CBX7: variants seen among roughly 807,000 people sequenced by gnomAD.
CBX7 encodes the protein chromobox 7, also known as chromobox protein homolog 7.
In CBX7, 14 loss-of-function variants were observed where a neutral mutation model predicts 31.4. The ratio of observed to expected loss-of-function variants is 0.45; its 90% confidence interval spans 0.29 to 0.70. The LOEUF (loss-of-function observed/expected upper bound fraction) is 0.70, where lower values mean the gene tolerates loss of function less well. Ranked by LOEUF, CBX7 falls within the 30% of genes least tolerant of loss-of-function variation. The pLI, the probability that CBX7 is intolerant of heterozygous loss-of-function variation, is 0.11. For synonymous variants in CBX7, 159 were observed against 152.6 expected (o/e 1.04, Z -0.31); for missense variants, 269 against 351.9 (o/e 0.76, Z 1.89).
intron 2 of CBX7, chr22:39,147,785 C>T (rs1454890956): frequency 6.6e-6 from 1 of 152,274 alleles, no homozygotes; most frequent in African/African-American, 2.4e-5. Flanking sequence ...GTTTCCCCAT[C>T]TGAAAAATCA....
chr22:39,151,722 G>T (rs911734985), intron 1 of CBX7, among the ~76,000 whole-genome samples: 1 of 152,170 alleles, frequency 6.6e-6, no homozygotes, highest in Non-Finnish European at 1.5e-5. Context: ...TCTGAAACCA[G>T]CAGAACAGAC....
Position 39,134,631 on chromosome 22 carries a change from G to A in CBX7, c.368C>T (p.Pro123Leu). The A allele has an allele frequency of 6.3e-7, 1 of 1,584,788 alleles. No individual in the cohort carries two copies. The highest frequency in any genetic ancestry group is 8.6e-7 in the Non-Finnish European group (1 of 1,165,206). The change falls in exon 5 of 6, where the codon CCT becomes CTT. Residue 123 changes from proline to leucine, a missense_variant. Around this residue, in one of 2 missense-constraint regions of CBX7, gnomAD observed 222 missense variants for 240.4 expected, o/e 0.92. Coordinates refer to ENST00000216133, the MANE Select transcript of CBX7 (RefSeq NM_175709.5). ...CAAGGGGCCCTTGTCCACCAGCTCA[G>A]GTGCCCCCGCCTTGACCACCCCCTC... The part of the protein sequence containing the change: ...SPEGVVKAGA[P>L]ELVDKGPLVP...
Position 39,133,963 on chromosome 22 carries a change from G to A in CBX7, c.684C>T (p.Asn228=), listed in dbSNP as rs1157504225. ...CCTCGCGGAAGGTGACGGTGATGGA[G>A]TTGGCGGTGATGTCGGTCACGGTCA... ...SEVTVTDITA[N]SITVTFREAQ... is the part of the protein sequence containing the mutation. Residue 228 remains asparagine, a synonymous_variant, in exon 6 of 6, where the codon AAC becomes AAT. Coordinates refer to ENST00000216133, the MANE Select transcript of CBX7 (RefSeq NM_175709.5). 4 of 1,613,900 alleles carry A rather than the reference G, an allele frequency of 2.5e-6. No homozygotes were observed. The Admixed American group carries it at 5.0e-5, about 20-fold the overall frequency.
intron 3 of CBX7, among the ~76,000 whole-genome samples, chr22:39,139,934 A>C (rs1930395358): frequency 6.6e-6 from 1 of 151,940 alleles, no homozygotes; most frequent in Non-Finnish European, 1.5e-5. Context: ...TGTCTCAAAA[A>C]ACAAAAAAAA....
intron 4 of CBX7, chr22:39,136,364 C>G (rs1930254610): frequency 6.6e-6 from 1 of 152,340 alleles, no homozygotes; most frequent in South Asian, 2.1e-4. Flanking sequence ...CATTCCCACA[C>G]CCAGTGCTGT....
Position 39,133,266 on chromosome 22 carries a change from C to T in CBX7, c.*625G>A, listed in dbSNP as rs1056664523. On this transcript the variant is annotated 3_prime_UTR_variant, in exon 6 of 6. Coordinates refer to ENST00000216133, the MANE Select transcript of CBX7 (RefSeq NM_175709.5). ...CCAGGTGTGCATGAGCGTTTCTGCA[C>T]AGGCCAGGTGATGAGGGGAGGGCAG... 3 of 152,092 alleles carry T rather than the reference C, an allele frequency of 2.0e-5. No individual in the cohort carries two copies. Among genetic ancestry groups the T allele is most frequent in the Non-Finnish European group, 4.4e-5 (3 of 68,090 alleles). 9.4% of individuals were successfully genotyped at this position (152,092 alleles called of 1,614,324 possible). A position where few individuals can be genotyped will look rare whatever the true frequency, so the allele number is the denominator to read the frequency against.
rs1352621186 is a variant in CBX7, at chr22:39,152,598, C to G, written c.-154G>C. ...GCGCACGCGCGCACACCCCCTCGCG[C>G]TCCCTCACGCCGCCGACGTTCCATT... On this transcript the variant is annotated 5_prime_UTR_variant, in exon 1 of 6. Transcript: ENST00000216133. This position sits in a 1 kb window ranked among gnomAD's most constrained non-coding sequence, Gnocchi z 4.9. The G allele has an allele frequency of 1.3e-5, 2 of 155,746 alleles. No homozygotes were observed. Among genetic ancestry groups the G allele is most frequent in the Admixed American group, 1.3e-4 (2 of 14,970 alleles). 9.6% of individuals were successfully genotyped at this position (155,746 alleles called of 1,614,324 possible).
At chr22:39,139,635 G>C (rs1385438490) in intron 3 of CBX7, among the ~76,000 whole-genome samples, 1 of 145,702 alleles carries the variant, frequency 6.9e-6, no homozygotes, top group African/African-American at 2.6e-5. Context: ...CCTGGGAGGC[G>C]GAGCTTGCAG....
intron 3 of CBX7, among the ~76,000 whole-genome samples, chr22:39,139,598 G>C (rs1262379118): frequency 1.3e-5 from 2 of 151,420 alleles, no homozygotes; most frequent in East Asian, 3.9e-4. Flanking sequence ...AGCTACTCGG[G>C]AGGCTGAGGC....
intron 4 of CBX7, chr22:39,135,979 A>G (rs1246186065): frequency 6.6e-6 from 1 of 152,154 alleles, no homozygotes; most frequent in African/African-American, 2.4e-5. Context: ...AATCCCAGCT[A>G]CTTGGGAGGC....
chr22:39,135,992 A>C (rs1417552193), intron 4 of CBX7: 1 of 152,024 alleles, frequency 6.6e-6, no homozygotes, highest in East Asian at 1.9e-4. Context: ...TGGGAGGCTA[A>C]GGCAGGACAA....
At chr22:39,148,229 C>T (rs1930729192) in intron 2 of CBX7, 1 of 152,266 alleles carries the variant, frequency 6.6e-6, no homozygotes, top group African/African-American at 2.4e-5. Context: ...GCAACAGAAG[C>T]ATCGAGGGCC....
In CBX7 at chr22:39,145,325, AG is replaced by A. The variant is rs1340430486; in HGVS notation, c.114-3890del. The stretch of plus-strand genomic sequence containing the variant: ...GCAGTGCAGGAGCCCAGAGGCGCCA[AG>A]GGGAACGCGCTTCCGAAGAGCCGGG... On this transcript the variant is annotated intron_variant, in intron 2 of 5. Transcript: ENST00000216133. Among the ~76,000 whole-genome samples the A allele has an allele frequency of 2.0e-5, 3 of 152,106 alleles. No individual in the cohort carries two copies. The East Asian group carries it at 5.8e-4, about 30-fold the overall frequency.
At chr22:39,138,874 T>A (rs1339789878) in intron 3 of CBX7, among the ~76,000 whole-genome samples, 172 bp from the exon 4 acceptor site, 2 of 152,200 alleles carry the variant, frequency 1.3e-5, no homozygotes, top group Non-Finnish European at 2.9e-5. Context: ...CGGGGTCAGA[T>A]GTTCAACTCC....
In CBX7 at chr22:39,141,140, G is replaced by A. The variant is rs530685189; in HGVS notation, c.179+231C>T. On this transcript the variant is annotated intron_variant, in intron 3 of 5. Transcript: ENST00000216133. ...TTTGACAGCAGAGAGACTGAGGCCC[G>A]GGTGGGTAAAGGAAGTGACCGAGAT... is the stretch of plus-strand genomic sequence containing the variant. The A allele has an allele frequency of 4.0e-5, 20 of 502,432 alleles. 1 individual carries two copies. The highest frequency in any genetic ancestry group is 2.6e-4 in the South Asian group (12 of 45,934). 31.1% of individuals were successfully genotyped at this position (502,432 alleles called of 1,614,324 possible). A position where few individuals can be genotyped will look rare whatever the true frequency, so the allele number is the denominator to read the frequency against.
At chr22:39,134,115 C>T (rs1480577338) in intron 5 of CBX7, 67 bp from the exon 6 acceptor site, 1 of 1,473,190 alleles carries the variant, frequency 6.8e-7, no homozygotes, top group Non-Finnish European at 9.1e-7. Context: ...ACCACCCAAC[C>T]CGACCCCAAC....
At chr22:39,142,002 C>T (rs1048405728) in intron 2 of CBX7, among the ~76,000 whole-genome samples, 1 of 152,180 alleles carries the variant, frequency 6.6e-6, no homozygotes, top group Non-Finnish European at 1.5e-5. Context: ...TAGAGACCCT[C>T]GGGTGCCAGG....
intron 4 of CBX7, 81 bp downstream of exon 4, chr22:39,138,555 C>T: frequency 1.6e-6 from 2 of 1,287,354 alleles, no homozygotes; most frequent in Admixed American, 1.7e-5. Context: ...GCTCAATCAG[C>T]CAGTGCAAAT....
At chr22:39,143,168 C>T (rs901311306) in intron 2 of CBX7, among the ~76,000 whole-genome samples, 9 of 152,102 alleles carry the variant, frequency 5.9e-5, no homozygotes, top group African/African-American at 2.2e-4. Context: ...GTGGGAGAAT[C>T]GCTTGAACCT....
Sources: gnomAD v4.1 joint callset for allele counts (sites outside exome capture counted in the v4.1 genomes callset) on GRCh38, gnomAD v4.1.1 for gene constraint, gnomAD v4.1.1 regional missense constraint, Gnocchi (gnomAD v3.1) non-coding constraint, MANE v1.5 for transcripts, NCBI Gene and HGNC (gene_info 2026-07-23, HGNC 2026-07-21) for gene names.